HCFC2: variants seen among roughly 807,000 people sequenced by gnomAD.
The protein encoded by HCFC2 is host cell factor 2.
In HCFC2, 18 loss-of-function variants were observed where a neutral mutation model predicts 89.2. That is an observed-to-expected ratio of 0.20 (90% CI 0.14 to 0.30). HCFC2 has a LOEUF of 0.30. Ranked by LOEUF, HCFC2 falls within the 10% of genes least tolerant of loss-of-function variation. The pLI, the probability that HCFC2 is intolerant of heterozygous loss-of-function variation, is 1.00. For missense variants in HCFC2, 578 were observed against 956.1 expected, an observed-to-expected ratio of 0.60 and a Z score of 5.21; for synonymous variants, 308 against 335.7, an observed-to-expected ratio of 0.92 and a Z score of 0.90.
chr12:104,092,751 G>A (rs1015768729), intron 9 of HCFC2, among the ~76,000 whole-genome samples: 1 of 152,178 alleles, frequency 6.6e-6, no homozygotes, highest in South Asian at 2.1e-4. Flanking sequence ...TCCAGCCTGG[G>A]CAACAAGAGC....
intron 8 of HCFC2, among the ~76,000 whole-genome samples, chr12:104,087,481 A>G (rs868194567): frequency 1.3e-4 from 16 of 122,192 alleles, no homozygotes; most frequent in East Asian, 4.5e-4. Context: ...ATATATATAT[A>G]TATGTATATA....
At chr12:104,086,755 G>A (rs918307148) in intron 7 of HCFC2, 92 bp from the exon 8 acceptor site, 1 of 1,098,726 alleles carries the variant, frequency 9.1e-7, no homozygotes, top group Non-Finnish European at 1.3e-6. Flanking sequence ...GTTCATTGCT[G>A]ATGTTTTCAA....
chr12:104,069,525 TA>T (rs376922435), intron 3 of HCFC2, among the ~76,000 whole-genome samples: 17,145 of 140,240 alleles, frequency 0.12, 935 homozygotes, highest in South Asian at 0.19. Context: ...CCTTTTTTGT[TA>T]AAAAAAAAAA....
intron 3 of HCFC2, among the ~76,000 whole-genome samples, chr12:104,072,789 C>T (rs1883363791): frequency 6.6e-6 from 1 of 151,892 alleles, no homozygotes; most frequent in South Asian, 2.1e-4. Flanking sequence ...ACTACAGGCG[C>T]CCGCCACCAT....
At chr12:104,067,822 G>A in intron 2 of HCFC2, 125 bp from the exon 3 acceptor site, 2 of 753,872 alleles carry the variant, frequency 2.7e-6, no homozygotes, top group Non-Finnish European at 4.0e-6. Flanking sequence ...TGTCCCAAAA[G>A]TAGTTTTTTA....
chr12:104,093,568 A>T lies in HCFC2; in HGVS notation c.1462+5A>T. ...ATATGCTAAGGAAAAATGAAGGTAT[A>T]TGGATGACATTTTAAACTAAAGCTT... On this transcript the variant is annotated splice_donor_5th_base_variant and intron_variant, in intron 10 of 14. Coordinates refer to ENST00000229330, the MANE Select transcript of HCFC2 (RefSeq NM_013320.3). 6.3e-7 allele frequency: 1 copy of T among 1,589,428 alleles called. No individual in the cohort carries two copies. Among genetic ancestry groups the T allele is most frequent in the Admixed American group, 1.9e-5 (1 of 53,998 alleles).
chr12:104,103,005 C>T lies in HCFC2; in HGVS notation c.2111C>T (p.Ser704Phe), dbSNP rs1182866482. The T allele has an allele frequency of 3.1e-6, 5 of 1,611,202 alleles. No individual in the cohort carries two copies. Among genetic ancestry groups the T allele is most frequent in the Non-Finnish European group, 4.2e-6 (5 of 1,178,500 alleles). Residue 704 changes from serine (S) to phenylalanine (F), a missense_variant, in exon 15 of 15, where the codon TCT becomes TTT. Ser to Phe is a radical substitution (Grantham distance 155, BLOSUM62 -2). Transcript: ENST00000229330. ...TCCTGGGAACCTCCAACCTCACCTT[C>T]TGGAAATATTTTGGAATATTCAGCC... is the stretch of plus-strand genomic sequence containing the variant. ...HLSWEPPTSP[S>F]GNILEYSAYL...
intron 9 of HCFC2, among the ~76,000 whole-genome samples, chr12:104,089,309 G>A (rs1004989187): frequency 1.3e-5 from 2 of 152,076 alleles, no homozygotes; most frequent in Non-Finnish European, 2.9e-5. Context: ...TCAGAAGATC[G>A]AGACTATCCT....
Position 104,098,478 on chromosome 12 carries a change from A to G in HCFC2, c.1876A>G (p.Lys626Glu). The change falls in exon 13 of 15, where the codon AAG becomes GAG. Residue 626 changes from lysine to glutamate, a missense_variant and splice_region_variant. Lys to Glu is a moderately conservative substitution (Grantham distance 56). This residue lies in a region of HCFC2 where 140 missense variants were observed against 266.4 expected (regional missense o/e 0.53). Transcript: ENST00000229330. The stretch of plus-strand genomic sequence containing the variant: ...GCCAAAAGGGAAGCAAAGCATCTCA[A>G]AGGTAGCTATTGATATATTTTCTAC... ...LLPKGKQSIS[K>E]VGNADVPDYS... The G allele has an allele frequency of 6.2e-7, 1 of 1,600,408 alleles. No individual in the cohort carries two copies. The highest frequency in any genetic ancestry group is 8.5e-7 in the Non-Finnish European group (1 of 1,175,150).
chr12:104,079,561 T>C lies in HCFC2; in HGVS notation c.590T>C (p.Ile197Thr), dbSNP rs1186615399. The C allele has an allele frequency of 2.5e-6, 4 of 1,614,116 alleles. No individual in the cohort carries two copies. The highest frequency in any genetic ancestry group is 1.7e-5 in the Admixed American group (1 of 60,018). Residue 197 changes from isoleucine (I) to threonine (T), a missense_variant, in exon 4 of 15, where the codon ATA becomes ACA. Around this residue, in one of 4 missense-constraint regions of HCFC2, gnomAD observed 206 missense variants for 419.2 expected, o/e 0.49. Coordinates refer to ENST00000229330, the MANE Select transcript of HCFC2 (RefSeq NM_013320.3). ...CCAAGAGAATCCCACACAGCTGTTA[T>C]ATATTGCAAAAAAGATTCTGGAAGT... Reference protein sequence around the residue: ...PSPRESHTAVIYCKKDSGSPK... With the variant: ...PSPRESHTAVTYCKKDSGSPK...
intron 3 of HCFC2, among the ~76,000 whole-genome samples, chr12:104,072,357 AC>A (rs1433013094): frequency 6.6e-6 from 1 of 150,652 alleles, no homozygotes; most frequent in Non-Finnish European, 1.5e-5. Flanking sequence ...GGGCAACAGA[AC>A]AAGACTGTTT....
intron 4 of HCFC2, 188 bp from the exon 5 acceptor site, chr12:104,080,558 T>TA: frequency 2.4e-6 from 1 of 420,788 alleles, no homozygotes; most frequent in South Asian, 2.9e-5. Flanking sequence ...GTACTAACAT[T>TA]AAGTGTAAAT....
At chr12:104,077,652 T>C (rs1050698507) in intron 3 of HCFC2, among the ~76,000 whole-genome samples, 3 of 152,032 alleles carry the variant, frequency 2.0e-5, no homozygotes, top group Admixed American at 6.5e-5. Flanking sequence ...ATTATTTTTC[T>C]TTGACTGTTT....
intron 3 of HCFC2, among the ~76,000 whole-genome samples, chr12:104,078,988 G>T (rs1448884423): frequency 4.6e-5 from 7 of 152,154 alleles, no homozygotes; most frequent in Non-Finnish European, 1.0e-4. Flanking sequence ...GAGTGTTCTA[G>T]TTAAGCCATT....
At chr12:104,066,541 T>C (rs1442597871) in intron 2 of HCFC2, among the ~76,000 whole-genome samples, 6 of 152,248 alleles carry the variant, frequency 3.9e-5, no homozygotes. Context: ...ACCCAAAGTT[T>C]CCTGGCAAGT....
chr12:104,093,022 A>G (rs1249659849), intron 9 of HCFC2, among the ~76,000 whole-genome samples: 2 of 152,184 alleles, frequency 1.3e-5, no homozygotes, highest in Non-Finnish European at 2.9e-5. Flanking sequence ...TTTAGGATAC[A>G]TGTCTGCCCT....
intron 2 of HCFC2, 141 bp from the exon 3 acceptor site, chr12:104,067,806 G>A (rs1404232633): frequency 1.5e-5 from 9 of 620,630 alleles, no homozygotes; most frequent in Non-Finnish European, 2.1e-5. Flanking sequence ...CTGGTTATTT[G>A]TCATTTGTCC....
At chr12:104,081,766 G>A (rs551544552) in intron 5 of HCFC2, among the ~76,000 whole-genome samples, 10 of 152,020 alleles carry the variant, frequency 6.6e-5, no homozygotes, top group East Asian at 1.9e-4. Flanking sequence ...GTAGCCAGGC[G>A]TGGTGGCTCA....
In HCFC2 at chr12:104,103,548, A is replaced by G; in HGVS notation, c.*275A>G. 1 of 370,324 alleles carries G rather than the reference A, an allele frequency of 2.7e-6. No individual in the cohort carries two copies. Among genetic ancestry groups the G allele is most frequent in the Non-Finnish European group, 4.9e-6 (1 of 203,776 alleles). The allele number at this position is 370,324 out of a possible 1,614,324, so 22.9% of individuals were successfully genotyped here. A position where few individuals can be genotyped will look rare whatever the true frequency, so the allele number is the denominator to read the frequency against. ...ATTAAGATAAAAGCTAGAAAGCTTTATTACCCCAATATCTTTTATAAGGGC... is the reference window on the plus strand; with the variant it reads ...ATTAAGATAAAAGCTAGAAAGCTTTGTTACCCCAATATCTTTTATAAGGGC... On this transcript the variant is annotated 3_prime_UTR_variant, in exon 15 of 15. Coordinates refer to ENST00000229330, the MANE Select transcript of HCFC2 (RefSeq NM_013320.3).
Sources: allele counts gnomAD v4.1 joint callset (sites outside exome capture counted in the v4.1 genomes callset), GRCh38; gene constraint gnomAD v4.1.1; regional missense constraint gnomAD v4.1.1; transcripts MANE v1.5; gene names NCBI Gene and HGNC (gene_info 2026-07-23, HGNC 2026-07-21).